The following TRIQK variants were observed in gnomAD, a reference collection of about 807,000 sequenced individuals.
TRIQK encodes triple QxxK/R motif-containing protein.
In TRIQK, 10 loss-of-function variants were observed where a neutral mutation model predicts 10.8. That is an observed-to-expected ratio of 0.92 (90% CI 0.57 to 1.57). TRIQK has a LOEUF of 1.57. TRIQK is among the 40% of genes most tolerant of loss of function. The pLI is 0.00. For synonymous variants in TRIQK, 33 were observed against 33.7 expected, an observed-to-expected ratio of 0.98 and a Z score of 0.07; for missense variants, 107 against 97.7, an observed-to-expected ratio of 1.09 and a Z score of -0.40.
chr8:93,004,607 A>T lies in TRIQK; in HGVS notation c.-181+13002T>A, dbSNP rs1813249584. ...CCCATGGTTGAGCCGCAAATTTTCC[A>T]AACTTGTATGCTCTTCTTCCCTTTT... On this transcript the variant is annotated intron_variant, in intron 1 of 4. Coordinates refer to the TRIQK transcript ENST00000520686. Among the ~76,000 whole-genome samples, 5 of 152,240 alleles carry T rather than the reference A, an allele frequency of 3.3e-5. No individual in the cohort carries two copies. The South Asian group carries it at 1.0e-3, about 31-fold the overall frequency.
chr8:92,998,340 G>T (rs183768201), intron 1 of TRIQK, among the ~76,000 whole-genome samples: 41 of 152,016 alleles, frequency 2.7e-4, no homozygotes, highest in Non-Finnish European at 4.4e-4. Context: ...AATGGAAATG[G>T]GTTTAAGCTT....
intron 1 of TRIQK, chr8:92,972,609 T>A (rs1002815653): frequency 4.6e-5 from 7 of 152,368 alleles, no homozygotes; most frequent in African/African-American, 1.4e-4. Flanking sequence ...ATTTGGCATG[T>A]CCCCATCCAG....
intron 1 of TRIQK, among the ~76,000 whole-genome samples, chr8:92,994,516 C>T (rs1813132933): frequency 6.6e-6 from 1 of 151,956 alleles, no homozygotes; most frequent in Non-Finnish European, 1.5e-5. Flanking sequence ...TTTAGAGGAA[C>T]AATTTAAATA....
rs574839928 is a variant in TRIQK at position 92,884,702 on chromosome 8, G to A, written c.*1920C>T. On this transcript the variant is annotated 3_prime_UTR_variant, in exon 5 of 5. Transcript: ENST00000521988. Reference sequence around the variant, plus strand: ...ACTCTGTTATATTTCATTTGGATAAGTATCTAATAAGCAATTATTACATAT... The same window carrying A: ...ACTCTGTTATATTTCATTTGGATAAATATCTAATAAGCAATTATTACATAT... The A allele has an allele frequency of 1.6e-5, 6 of 384,792 alleles. No individual in the cohort carries two copies. Among genetic ancestry groups the A allele is most frequent in the African/African-American group, 1.3e-4 (6 of 47,796 alleles). 23.8% of individuals were successfully genotyped at this position (384,792 alleles called of 1,614,324 possible).
At chr8:93,015,244 A>G (rs769596370) in intron 1 of TRIQK, among the ~76,000 whole-genome samples, 1 of 151,938 alleles carries the variant, frequency 6.6e-6, no homozygotes, top group Non-Finnish European at 1.5e-5. Context: ...TTATTTTAAA[A>G]TTTCTTTACA....
chr8:92,923,799 C>T (rs958353145), intron 2 of TRIQK, among the ~76,000 whole-genome samples: 2 of 151,816 alleles, frequency 1.3e-5, no homozygotes, highest in African/African-American at 4.8e-5. Flanking sequence ...TATTTTAAAG[C>T]ATAATATGTG....
At chr8:92,940,744 C>T in intron 2 of TRIQK, among the ~76,000 whole-genome samples, 1 of 152,032 alleles carries the variant, frequency 6.6e-6, no homozygotes, top group East Asian at 1.9e-4. Context: ...AATAAAGAAA[C>T]ATTGAATTTA....
chr8:92,918,824 A>G (rs989299972), intron 2 of TRIQK, among the ~76,000 whole-genome samples: 4 of 150,816 alleles, frequency 2.7e-5, no homozygotes, highest in Non-Finnish European at 4.4e-5. Flanking sequence ...TGTTTTCCCA[A>G]TGTTTTTTTC....
chr8:92,898,939 C>T (rs1372996751), intron 3 of TRIQK, among the ~76,000 whole-genome samples: 3 of 143,746 alleles, frequency 2.1e-5, no homozygotes, highest in African/African-American at 5.2e-5. Flanking sequence ...AGGGTAAATG[C>T]GGTATCTATC....
At chr8:92,931,604 A>G (rs182406985) in intron 2 of TRIQK, among the ~76,000 whole-genome samples, 10 of 152,360 alleles carry the variant, frequency 6.6e-5, no homozygotes, top group Admixed American at 5.9e-4. Flanking sequence ...AACGAATAAA[A>G]GATATCAAGA....
chr8:92,960,722 A>G (rs1204530162), intron 1 of TRIQK: 1 of 152,226 alleles, frequency 6.6e-6, no homozygotes. Context: ...TCCAGAAACT[A>G]CAAAAGACAA....
chr8:92,992,806 A>G (rs1375011355), intron 1 of TRIQK, among the ~76,000 whole-genome samples: 1 of 152,148 alleles, frequency 6.6e-6, no homozygotes, highest in Non-Finnish European at 1.5e-5. Context: ...GCACCCCAGA[A>G]CCCTCATTAA....
intron 1 of TRIQK, among the ~76,000 whole-genome samples, chr8:93,007,666 A>C (rs1437893854): frequency 6.6e-6 from 1 of 152,224 alleles, no homozygotes; most frequent in Non-Finnish European, 1.5e-5. Flanking sequence ...CAGAATAACC[A>C]GTTTAAGAAT....
chr8:93,011,261 G>A (rs1437444433), intron 1 of TRIQK, among the ~76,000 whole-genome samples: 2 of 151,058 alleles, frequency 1.3e-5, no homozygotes, highest in African/African-American at 2.4e-5. Flanking sequence ...TTACAGTACT[G>A]ACTGTACTAA....
At chr8:92,952,990 C>A (rs78128959) in intron 2 of TRIQK, among the ~76,000 whole-genome samples, 3,164 of 152,100 alleles carry the variant, frequency 0.021, 41 homozygotes, top group Middle Eastern at 0.031. Context: ...TGTGTTAAGA[C>A]ATTGAAATTT....
chr8:93,002,637 C>T (rs930776280), intron 1 of TRIQK, among the ~76,000 whole-genome samples: 2 of 152,082 alleles, frequency 1.3e-5, no homozygotes, highest in South Asian at 2.1e-4. Flanking sequence ...GAAAAGAACT[C>T]GGCCAGGTGT....
chr8:92,929,779 AATGATTGTT>A (rs1435940732), intron 2 of TRIQK, among the ~76,000 whole-genome samples: 2 of 152,172 alleles, frequency 1.3e-5, no homozygotes, highest in Non-Finnish European at 2.9e-5. Context: ...CAAGTACGAA[AATGATTGTT>A]ATGATTCACC....
intron 1 of TRIQK, among the ~76,000 whole-genome samples, chr8:92,977,282 A>G (rs1028281872): frequency 6.6e-6 from 1 of 152,036 alleles, no homozygotes; most frequent in African/African-American, 2.4e-5. Context: ...TTTTCATTTC[A>G]GTACTTTAAT....
At chr8:92,975,457 T>G (rs1199441245) in intron 1 of TRIQK, among the ~76,000 whole-genome samples, 1 of 152,174 alleles carries the variant, frequency 6.6e-6, no homozygotes, top group Non-Finnish European at 1.5e-5. Context: ...TTATATACAC[T>G]GGCAAATTTA....
Sources: gnomAD v4.1 joint callset for allele counts (sites outside exome capture counted in the v4.1 genomes callset) on GRCh38, gnomAD v4.1.1 for gene constraint, MANE v1.5 for transcripts, NCBI Gene and HGNC (gene_info 2026-07-23, HGNC 2026-07-21) for gene names.